The following LAMB2 variants were observed in gnomAD, a reference collection of about 807,000 sequenced individuals.
The protein encoded by LAMB2 is laminin subunit beta 2.
In LAMB2, 119 loss-of-function variants were observed where a neutral mutation model predicts 202.7. That is an observed-to-expected ratio of 0.59 (90% CI 0.51 to 0.68). The LOEUF is 0.68. Ranked by LOEUF, LAMB2 falls within the 30% of genes least tolerant of loss-of-function variation. The probability of loss-of-function intolerance (pLI) is 0.00; values close to 1 mark genes in which losing one functional copy is unlikely to be tolerated. For missense variants in LAMB2, 2,124 were observed against 2,410.6 expected (o/e 0.88, Z 2.49); for synonymous variants, 818 against 902.2 (o/e 0.91, Z 1.67).
Position 49,132,245 on chromosome 3 carries a change from AC to A in LAMB2, c.385+24del. On this transcript the variant is annotated intron_variant, in intron 3 of 31. Coordinates refer to ENST00000305544, the MANE Select transcript of LAMB2 (RefSeq NM_002292.4). This position sits in a 1 kb window ranked among gnomAD's most constrained non-coding sequence, Gnocchi z 4.6. ...AAGCTACTGGTGGGCAGCCCTGCTC[AC>A]TTTTGCCCCACCCATGGCCTCACCA... is the stretch of plus-strand genomic sequence containing the variant. The A allele has an allele frequency of 1.2e-6, 2 of 1,614,162 alleles. No homozygotes were observed. Among genetic ancestry groups the A allele is most frequent in the Non-Finnish European group, 1.7e-6 (2 of 1,180,022 alleles).
Position 49,131,166 on chromosome 3 carries a change from AG to A in LAMB2, c.713-15del. The A allele has an allele frequency of 1.2e-6, 2 of 1,612,346 alleles. No homozygotes were observed. Among genetic ancestry groups the A allele is most frequent in the Non-Finnish European group, 1.7e-6 (2 of 1,179,446 alleles). ...TCTTCAACAGGTCTGAGGCGGGGGA[AG>A]GGGGGCCAACTGACCAGGCAGGCCC... is the stretch of plus-strand genomic sequence containing the variant. On this transcript the variant is annotated splice_polypyrimidine_tract_variant and intron_variant, in intron 6 of 31. Transcript: ENST00000305544. This position sits in a 1 kb window ranked among gnomAD's most constrained non-coding sequence, Gnocchi z 5.0.
intron 15 of LAMB2, among the ~76,000 whole-genome samples, chr3:49,127,728 C>A (rs2045431529): frequency 6.7e-6 from 1 of 148,960 alleles, no homozygotes; most frequent in Admixed American, 6.7e-5. Flanking sequence ...AAACATGAAA[C>A]AATGAAACAG....
In LAMB2 at chr3:49,129,052, G is replaced by A. The variant is rs776536574; in HGVS notation, c.1699C>T (p.Leu567=). The stretch of plus-strand genomic sequence containing the variant: ...CGGGTGTCCTCAGCCTCCCAAATTA[G>A]GTGGTCCAGGAAGGGCCGGAAGTAG... The part of the protein sequence containing the change: ...PGYFRPFLDH[L]IWEAEDTRGQ... The change falls in exon 13 of 32, where the codon CTA becomes TTA. Residue 567 remains leucine, a synonymous_variant. Transcript: ENST00000305544. The surrounding 1 kb of genome is among the most constrained non-coding windows in gnomAD (Gnocchi z 6.1). The A allele has an allele frequency of 3.7e-6, 6 of 1,612,424 alleles. No individual in the cohort carries two copies. The highest frequency in any genetic ancestry group is 1.3e-5 in the African/African-American group (1 of 74,930).
In LAMB2 at chr3:49,122,009, T is replaced by C. The variant is rs778561883; in HGVS notation, c.4858A>G (p.Ile1620Val). 9.9e-6 allele frequency: 16 copies of C among 1,613,752 alleles called. No individual in the cohort carries two copies. In the Admixed American group the frequency reaches 1.3e-4, roughly 13 times the overall value. The change falls in exon 29 of 32, where the codon ATT (isoleucine) becomes GTT (valine). Residue 1620 changes from isoleucine (I) to valine (V), a missense_variant. By Grantham distance (29) the Ile-to-Val change is conservative (BLOSUM62 3). Transcript: ENST00000305544. ...ALEEAQRAQGIAQGAIRGAVA... is the reference protein window; with the variant it reads ...ALEEAQRAQGVAQGAIRGAVA... ...GCCCCCCGGATGGCACCCTGGGCAATACCCTGTGCCCGCTGGGCCTCCTCC... is the reference window on the plus strand; with the variant it reads ...GCCCCCCGGATGGCACCCTGGGCAACACCCTGTGCCCGCTGGGCCTCCTCC...
In LAMB2 at chr3:49,131,990, G is replaced by A. The variant is rs2045486740; in HGVS notation, c.459+126C>T. The A allele has an allele frequency of 2.0e-6, 2 of 984,722 alleles. No homozygotes were observed. The highest frequency in any genetic ancestry group is 3.2e-6 in the Non-Finnish European group (2 of 617,472). 61.0% of individuals were successfully genotyped at this position (984,722 alleles called of 1,614,324 possible). ...AAAGGCCTGGAGGCAAATGGAAGGT[G>A]TGAAGGGATGAAGGAGCCTCCTGCA... On this transcript the variant is annotated intron_variant, in intron 4 of 31. Coordinates refer to ENST00000305544, the MANE Select transcript of LAMB2 (RefSeq NM_002292.4). The surrounding 1 kb of genome is among the most constrained non-coding windows in gnomAD (Gnocchi z 5.0).
chr3:49,125,953 T>A lies in LAMB2; in HGVS notation c.2344+14A>T, dbSNP rs369733428. 2.3e-4 allele frequency: 364 copies of A among 1,613,964 alleles called. No individual in the cohort carries two copies. Among genetic ancestry groups the A allele is most frequent in the Non-Finnish European group, 2.9e-4 (340 of 1,180,012 alleles). On this transcript the variant is annotated intron_variant, in intron 17 of 31. Coordinates refer to ENST00000305544, the MANE Select transcript of LAMB2 (RefSeq NM_002292.4). ...CCCACCTCTGCCCCATCAACCCACA[T>A]CACAGACACTCACGCAGGGCACCAT...
Position 49,123,648 on chromosome 3 carries a change from G to C in LAMB2, c.3798-17C>G, listed in dbSNP as rs777266280. On this transcript the variant is annotated splice_polypyrimidine_tract_variant and intron_variant, in intron 24 of 31. Transcript: ENST00000305544. Reference sequence around the variant, plus strand: ...ATTTCACGCCTGCAATGATGGAGAGGGGGGTGTTTAGAGAGGCTTCAGCCC... The same window carrying C: ...ATTTCACGCCTGCAATGATGGAGAGCGGGGTGTTTAGAGAGGCTTCAGCCC... 12 of 1,613,936 alleles carry C rather than the reference G, an allele frequency of 7.4e-6. No homozygotes were observed. In the Admixed American group the frequency reaches 1.7e-4, roughly 22 times the overall value.
At chr3:49,126,210 C>T (rs1432292930) in intron 16 of LAMB2, 51 bp from the exon 17 acceptor site, 23 of 1,607,240 alleles carry the variant, frequency 1.4e-5, no homozygotes, top group Non-Finnish European at 1.7e-5. Flanking sequence ...ACCACGTAGG[C>T]ATTGCCAGAG....
Position 49,124,067 on chromosome 3 carries a change from G to C in LAMB2, c.3458C>G (p.Pro1153Arg). ...GTGACCTGTGAAGCGGTGACACTGA[G>C]GTGTATCTATTCCACGAGAGTCACA... ...CDCDSRGIDT[P>R]QCHRFTGHCS... The change falls in exon 24 of 32, where the codon CCT (proline) becomes CGT (arginine). Residue 1153 changes from proline (P) to arginine (R), a missense_variant. Pro to Arg is a moderately radical substitution (Grantham distance 103, BLOSUM62 -2). This residue lies in a region of LAMB2 where 1,702 missense variants were observed against 1,896.3 expected (regional missense o/e 0.90). Coordinates refer to ENST00000305544, the MANE Select transcript of LAMB2 (RefSeq NM_002292.4). 6.2e-7 allele frequency: 1 copy of C among 1,613,960 alleles called. No homozygotes were observed. The highest frequency in any genetic ancestry group is 8.5e-7 in the Non-Finnish European group (1 of 1,180,032).
Position 49,129,054 on chromosome 3 carries a change from T to G in LAMB2, c.1697A>C (p.His566Pro). The change falls in exon 13 of 32, where the codon CAC becomes CCC. Residue 566 changes from histidine (H) to proline (P), a missense_variant. His to Pro is a moderately conservative substitution (Grantham distance 77). Transcript: ENST00000305544. The surrounding 1 kb of genome is among the most constrained non-coding windows in gnomAD (Gnocchi z 6.1). Reference sequence around the variant, plus strand: ...GGTGTCCTCAGCCTCCCAAATTAGGTGGTCCAGGAAGGGCCGGAAGTAGCC... The same window carrying G: ...GGTGTCCTCAGCCTCCCAAATTAGGGGGTCCAGGAAGGGCCGGAAGTAGCC... ...QPGYFRPFLD[H>P]LIWEAEDTRG... 6.2e-7 allele frequency: 1 copy of G among 1,612,646 alleles called. No individual in the cohort carries two copies.
At position 49,132,848 on chromosome 3, in the gene LAMB2, T is replaced by C; in HGVS notation, c.20A>G (p.Glu7Gly). 1 of 1,614,024 alleles carries C rather than the reference T, an allele frequency of 6.2e-7. No individual in the cohort carries two copies. Among genetic ancestry groups the C allele is most frequent in the Non-Finnish European group, 8.5e-7 (1 of 1,180,008 alleles). The change falls in exon 1 of 32, where the codon GAA (glutamate) becomes GGA (glycine). Residue 7 changes from glutamate to glycine, a missense_variant. By Grantham distance (98) the Glu-to-Gly change is moderately conservative. Around this residue, in one of 3 missense-constraint regions of LAMB2, gnomAD observed 166 missense variants for 158.2 expected, o/e 1.05. Coordinates refer to ENST00000305544, the MANE Select transcript of LAMB2 (RefSeq NM_002292.4). The surrounding 1 kb of genome is among the most constrained non-coding windows in gnomAD (Gnocchi z 4.6). The stretch of plus-strand genomic sequence containing the variant: ...GGGCAGAGGCTGTCCCCTCCCTCTT[T>C]CCCTTGAGGTCAGCTCCATCCTGAA... MELTSR[E>G]RGRGQPLPWE...
chr3:49,125,616 A>G lies in LAMB2; in HGVS notation c.2488+131T>C. On this transcript the variant is annotated intron_variant, in intron 18 of 31. Transcript: ENST00000305544. ...GGTCAGGAAATGGAAGAGAACTACA[A>G]CTGACCCAGGTTGAGAGTAGAGGGT... The G allele has an allele frequency of 2.8e-6, 4 of 1,425,848 alleles. No homozygotes were observed. In the Admixed American group the frequency reaches 8.1e-5, roughly 29 times the overall value. The allele number at this position is 1,425,848 out of a possible 1,614,324, so 88.3% of individuals were successfully genotyped here. A position where few individuals can be genotyped will look rare whatever the true frequency, so the allele number is the denominator to read the frequency against.
chr3:49,129,297 G>C lies in LAMB2; in HGVS notation c.1546C>G (p.Leu516Val). The change falls in exon 12 of 32, where the codon CTG (leucine) becomes GTG (valine). Residue 516 changes from leucine (L) to valine (V), a missense_variant. Leu to Val is a conservative substitution (Grantham distance 32, BLOSUM62 1). Transcript: ENST00000305544. This position sits in a 1 kb window ranked among gnomAD's most constrained non-coding sequence, Gnocchi z 6.1. Reference sequence around the variant, plus strand: ...CAGTCACAGGGGCGGCAGCCGAGCAGGTCGTGGCTCAGGCCCCAGTGGCCA... The same window carrying C: ...CAGTCACAGGGGCGGCAGCCGAGCACGTCGTGGCTCAGGCCCCAGTGGCCA... ...LPGHWGLSHDLLGCRPCDCDV... is the reference protein window; with the variant it reads ...LPGHWGLSHDVLGCRPCDCDV... 2.5e-6 allele frequency: 4 copies of C among 1,613,448 alleles called. No homozygotes were observed. The highest frequency in any genetic ancestry group is 3.4e-6 in the Non-Finnish European group (4 of 1,179,790).
In LAMB2 at chr3:49,121,489, C is replaced by T. The variant is rs2045239802; in HGVS notation, c.5204G>A (p.Arg1735Gln). The T allele has an allele frequency of 3.1e-6, 5 of 1,614,086 alleles. No individual in the cohort carries two copies. Among genetic ancestry groups the T allele is most frequent in the Non-Finnish European group, 4.2e-6 (5 of 1,180,042 alleles). Reference protein sequence around the residue: ...LAAQARAEQLRDEARDLLQAA... With the variant: ...LAAQARAEQLQDEARDLLQAA... ...TTGCAACAGGTCCCGAGCCTCATCC[C>T]GCAGTTGTTCTGCCCTTGCCTGTGC... The change falls in exon 31 of 32, where the codon CGG (arginine) becomes CAG (glutamine). Residue 1735 changes from arginine to glutamine, a missense_variant. Arg to Gln is a conservative substitution (Grantham distance 43). Transcript: ENST00000305544.
rs549216140 is a variant in LAMB2, at chr3:49,130,134, C to T, written c.1225+97G>A. 4 of 1,587,186 alleles carry T rather than the reference C, an allele frequency of 2.5e-6. No homozygotes were observed. In the South Asian group the frequency reaches 4.4e-5, roughly 18 times the overall value. On this transcript the variant is annotated intron_variant, in intron 9 of 31. Coordinates refer to ENST00000305544, the MANE Select transcript of LAMB2 (RefSeq NM_002292.4). This position sits in a 1 kb window ranked among gnomAD's most constrained non-coding sequence, Gnocchi z 5.0. ...TCCCTGGTCAAGTTCTATCCCAAGCCCCTAACCCCAATTTCCTGCAATTTA... is the reference window on the plus strand; with the variant it reads ...TCCCTGGTCAAGTTCTATCCCAAGCTCCTAACCCCAATTTCCTGCAATTTA...
intron 18 of LAMB2, 120 bp downstream of exon 18, chr3:49,125,627 T>C: frequency 1.4e-6 from 2 of 1,447,118 alleles, no homozygotes; most frequent in Non-Finnish European, 1.9e-6. Flanking sequence ...CTGACCCAGG[T>C]TGAGAGTAGA....
In LAMB2 at chr3:49,124,240, C is replaced by T; in HGVS notation, c.3374G>A (p.Cys1125Tyr). Residue 1125 changes from cysteine to tyrosine, a missense_variant, in exon 23 of 32, where the codon TGT (cysteine) becomes TAT (tyrosine). Coordinates refer to ENST00000305544, the MANE Select transcript of LAMB2 (RefSeq NM_002292.4). Reference protein sequence around the residue: ...HCRAGFGGRTCSECQELHWGD... With the variant: ...HCRAGFGGRTYSECQELHWGD... ...CCAGTGGAGCTCTTGGCACTCAGAACAAGTCCGCCCTCCAAAGCCGGCACG... is the reference window on the plus strand; with the variant it reads ...CCAGTGGAGCTCTTGGCACTCAGAATAAGTCCGCCCTCCAAAGCCGGCACG... 1 of 1,613,968 alleles carries T rather than the reference C, an allele frequency of 6.2e-7. No individual in the cohort carries two copies. The highest frequency in any genetic ancestry group is 8.5e-7 in the Non-Finnish European group (1 of 1,179,948).
chr3:49,132,413 G>A lies in LAMB2; in HGVS notation c.250-8C>T, dbSNP rs779492378. The A allele has an allele frequency of 1.2e-6, 2 of 1,614,246 alleles. No homozygotes were observed. Among genetic ancestry groups the A allele is most frequent in the South Asian group, 2.2e-5 (2 of 91,086 alleles). ...GAAGCACTTCTTTTCGTCCTGGGTT[G>A]GATGGGGATTAGAATCAGTGCCTCA... On this transcript the variant is annotated splice_polypyrimidine_tract_variant and splice_region_variant and intron_variant, in intron 2 of 31. Coordinates refer to ENST00000305544, the MANE Select transcript of LAMB2 (RefSeq NM_002292.4). The surrounding 1 kb of genome is among the most constrained non-coding windows in gnomAD (Gnocchi z 4.6).
In LAMB2 at chr3:49,123,889, C is replaced by T. The variant is rs2045380648; in HGVS notation, c.3636G>A (p.Glu1212=). The T allele has an allele frequency of 6.2e-7, 1 of 1,613,506 alleles. No homozygotes were observed. Among genetic ancestry groups the T allele is most frequent in the Non-Finnish European group, 8.5e-7 (1 of 1,180,038 alleles). The change falls in exon 24 of 32, where the codon GAG becomes GAA. Residue 1212 remains glutamate (E), a synonymous_variant. Transcript: ENST00000305544. ...QDLAARTQRL[E]QRAQELQQTG... ...TCTGTTGCAACTCCTGCGCCCGCTGCTCTAGGCGCTGTGTACGGGCTGCCA... is the reference window on the plus strand; with the variant it reads ...TCTGTTGCAACTCCTGCGCCCGCTGTTCTAGGCGCTGTGTACGGGCTGCCA...
Sources: allele counts gnomAD v4.1 joint callset (sites outside exome capture counted in the v4.1 genomes callset), GRCh38; gene constraint gnomAD v4.1.1; regional missense constraint gnomAD v4.1.1; non-coding constraint Gnocchi (gnomAD v3.1); transcripts MANE v1.5; gene names NCBI Gene and HGNC (gene_info 2026-07-23, HGNC 2026-07-21).